The following EP400 variants were observed in gnomAD, a reference collection of about 807,000 sequenced individuals.
The protein encoded by EP400 is E1A binding protein p400, also known as E1A-binding protein p400.
In EP400, 105 loss-of-function variants were observed where a neutral mutation model predicts 354.1. The observed-to-expected ratio is 0.30, with a 90% confidence interval of 0.25 to 0.35. EP400 has a LOEUF of 0.35. Ranked by LOEUF, EP400 falls within the 10% of genes least tolerant of loss-of-function variation. The probability of loss-of-function intolerance (pLI) is 1.00; values close to 1 mark genes in which losing one functional copy is unlikely to be tolerated. For missense variants in EP400, 3,280 were observed against 4,121.0 expected (o/e 0.80, Z 5.59); for synonymous variants, 1,646 against 1,716.9 (o/e 0.96, Z 1.02).
Position 132,027,990 on chromosome 12 carries a change from A to G in EP400, c.5110-27A>G. 1 of 1,603,382 alleles carries G rather than the reference A, an allele frequency of 6.2e-7. No individual in the cohort carries two copies. Among genetic ancestry groups the G allele is most frequent in the East Asian group, 2.2e-5 (1 of 44,634 alleles). Reference sequence around the variant, plus strand: ...AACTTGTCATTCTGTTTCTCAAGTAACTGTTTTTCATCACTTTTTGATAAA... The same window carrying G: ...AACTTGTCATTCTGTTTCTCAAGTAGCTGTTTTTCATCACTTTTTGATAAA... On this transcript the variant is annotated intron_variant, in intron 26 of 52. Coordinates refer to ENST00000389561, the MANE Select transcript of EP400 (RefSeq NM_015409.5). This position sits in a 1 kb window ranked among gnomAD's most constrained non-coding sequence, Gnocchi z 4.9.
Position 132,038,357 on chromosome 12 carries a change from C to T in EP400, c.6207+261C>T, listed in dbSNP as rs1894784512. On this transcript the variant is annotated intron_variant, in intron 32 of 52. Coordinates refer to ENST00000389561, the MANE Select transcript of EP400 (RefSeq NM_015409.5). The surrounding 1 kb of genome is among the most constrained non-coding windows in gnomAD (Gnocchi z 4.2). ...GCAGTCGCTGCCGTCTTCATCTGCA[C>T]TTTGCCACAGTCTCAGCTCCTTCCC... Among the ~76,000 whole-genome samples the T allele has an allele frequency of 6.6e-6, 1 of 152,234 alleles. No homozygotes were observed. The highest frequency in any genetic ancestry group is 2.1e-4 in the South Asian group (1 of 4,832).
chr12:131,951,749 C>T (rs57466848), intron 1 of EP400, among the ~76,000 whole-genome samples: 19,041 of 151,638 alleles, frequency 0.13, 1,633 homozygotes, highest in African/African-American at 0.24. Context: ...TTACAGGTGC[C>T]TGCCATCATG....
chr12:132,045,857 G>A lies in EP400; in HGVS notation c.7157G>A (p.Arg2386Gln), dbSNP rs777080714. Reference protein sequence around the residue: ...SRIYRSSKQCRNRYENVIIPR... With the variant: ...SRIYRSSKQCQNRYENVIIPR... Reference sequence around the variant, plus strand: ...ATCTACCGCTCTTCCAAACAGTGCCGGAATCGCTACGAGAATGTCATCATT... The same window carrying A: ...ATCTACCGCTCTTCCAAACAGTGCCAGAATCGCTACGAGAATGTCATCATT... Residue 2386 changes from arginine to glutamine, a missense_variant, in exon 39 of 53, where the codon CGG becomes CAG. Coordinates refer to ENST00000389561, the MANE Select transcript of EP400 (RefSeq NM_015409.5). 3 of 1,614,166 alleles carry A rather than the reference G, an allele frequency of 1.9e-6. No homozygotes were observed. Among genetic ancestry groups the A allele is most frequent in the South Asian group, 2.2e-5 (2 of 91,068 alleles).
At chr12:131,998,223 C>G (rs545471521) in intron 12 of EP400, among the ~76,000 whole-genome samples, 50 of 152,298 alleles carry the variant, frequency 3.3e-4, no homozygotes, top group African/African-American at 1.2e-3. Context: ...TAGGTAAGTT[C>G]TTCTGCCTTG....
chr12:131,970,506 C>T (rs1050710202), intron 2 of EP400, among the ~76,000 whole-genome samples: 9 of 152,072 alleles, frequency 5.9e-5, no homozygotes, highest in Admixed American at 1.3e-4. Flanking sequence ...TAATGTTCCT[C>T]GCAGCATTGT....
intron 19 of EP400, among the ~76,000 whole-genome samples, chr12:132,015,179 G>GAGA (rs1893888486): frequency 6.6e-6 from 1 of 152,254 alleles, no homozygotes; most frequent in African/African-American, 2.4e-5. Context: ...TGTGCATGAT[G>GAGA]ACTGTGGAAT....
rs1440093717 is a variant in EP400 at position 132,052,419 on chromosome 12, C to G, written c.7395-727C>G. ...TGAGTCGCCTGGCCCTGGCTTTCAGCCCCTTGGTGCTCCCTGAGTGTGCTG... is the reference window on the plus strand; with the variant it reads ...TGAGTCGCCTGGCCCTGGCTTTCAGGCCCTTGGTGCTCCCTGAGTGTGCTG... On this transcript the variant is annotated intron_variant, in intron 41 of 52. Transcript: ENST00000389561. The surrounding 1 kb of genome is among the most constrained non-coding windows in gnomAD (Gnocchi z 4.4). Among the ~76,000 whole-genome samples, 3 of 152,228 alleles carry G rather than the reference C, an allele frequency of 2.0e-5. No homozygotes were observed. Among genetic ancestry groups the G allele is most frequent in the African/African-American group, 7.2e-5 (3 of 41,464 alleles).
intron 35 of EP400, 119 bp from the exon 36 acceptor site, chr12:132,044,552 A>T: frequency 6.9e-6 from 9 of 1,301,094 alleles, no homozygotes; most frequent in Non-Finnish European, 9.7e-6. Context: ...AGTCTTATAA[A>T]TAGTCATGTT....
At chr12:132,056,421 A>ACACG (rs962966993) in intron 45 of EP400, among the ~76,000 whole-genome samples, 2 of 144,702 alleles carry the variant, frequency 1.4e-5, no homozygotes, top group African/African-American at 5.7e-5. Context: ...CCAACACAAC[A>ACACG]CACGCACACA....
intron 32 of EP400, among the ~76,000 whole-genome samples, chr12:132,040,417 G>C (rs564182648): frequency 6.6e-6 from 1 of 152,230 alleles, no homozygotes; most frequent in East Asian, 1.9e-4. Flanking sequence ...CTGTACCCTC[G>C]TGTTCATCGC....
chr12:132,044,847 C>T lies in EP400; in HGVS notation c.6678C>T (p.Leu2226=), dbSNP rs748415028. ...CGCAGGACGACAGCGACATCTACCTCGACTCGGTCATGTGTCTCATGTATG... is the reference window on the plus strand; with the variant it reads ...CGCAGGACGACAGCGACATCTACCTTGACTCGGTCATGTGTCTCATGTATG... ...TPPQDDSDIY[L]DSVMCLMYEA... is the part of the protein sequence containing the mutation. Residue 2226 remains leucine (L), a synonymous_variant, in exon 37 of 53, where the codon CTC becomes CTT. Transcript: ENST00000389561. 2.5e-6 allele frequency: 4 copies of T among 1,614,178 alleles called. No individual in the cohort carries two copies. The highest frequency in any genetic ancestry group is 1.6e-4 in the Middle Eastern group (1 of 6,062).
At chr12:132,033,945 A>G (rs189957315) in intron 30 of EP400, among the ~76,000 whole-genome samples, 1 of 152,348 alleles carries the variant, frequency 6.6e-6, no homozygotes, top group African/African-American at 2.4e-5. Flanking sequence ...CTCGAGGGAA[A>G]AAAGGAGAGC....
chr12:131,954,475 A>G (rs189920202), intron 1 of EP400, among the ~76,000 whole-genome samples: 1 of 152,162 alleles, frequency 6.6e-6, no homozygotes. Flanking sequence ...CTGTAATCCC[A>G]GCACTTTGGG....
chr12:132,008,185 T>G (rs1270668849), intron 15 of EP400, among the ~76,000 whole-genome samples: 2 of 152,176 alleles, frequency 1.3e-5, no homozygotes, highest in Non-Finnish European at 2.9e-5. Context: ...CAACCTCAGG[T>G]GATCCGCCTG....
At position 132,044,363 on chromosome 12, in the gene EP400, T is replaced by A. The variant is rs573320187; in HGVS notation, c.6585+52T>A. 1.9e-6 allele frequency: 3 copies of A among 1,578,200 alleles called. No homozygotes were observed. The South Asian group carries it at 3.4e-5, about 18-fold the overall frequency. On this transcript the variant is annotated intron_variant, in intron 35 of 52. Transcript: ENST00000389561. ...TCTTGCCCCCCTGCTGAGGGGCACT[T>A]GTGCAGCCATGTTTGGCTTGTTCAA...
At position 132,053,327 on chromosome 12, in the gene EP400, C is replaced by A; in HGVS notation, c.7474-16C>A. The A allele has an allele frequency of 6.3e-7, 1 of 1,590,746 alleles. No homozygotes were observed. Among genetic ancestry groups the A allele is most frequent in the South Asian group, 1.1e-5 (1 of 89,326 alleles). ...TCTGCCCCTCCAGTGGCTCCTCTTC[C>A]TTCCTGGCCCCTCAGGCTCTGGCTG... On this transcript the variant is annotated splice_polypyrimidine_tract_variant and intron_variant, in intron 42 of 52. Transcript: ENST00000389561.
chr12:132,002,125 A>C (rs541121356), intron 12 of EP400, among the ~76,000 whole-genome samples: 13 of 152,308 alleles, frequency 8.5e-5, no homozygotes, highest in African/African-American at 3.1e-4. Flanking sequence ...TTTGTAAAGC[A>C]TGTCTCTTGT....
chr12:132,002,435 A>G (rs1893446280), intron 12 of EP400, among the ~76,000 whole-genome samples: 1 of 151,058 alleles, frequency 6.6e-6, no homozygotes, highest in Non-Finnish European at 1.5e-5. Context: ...GACTTACTAG[A>G]TATCCTATTA....
Position 132,043,442 on chromosome 12 carries a change from C to T in EP400, c.6346C>T (p.Leu2116=). 6.2e-7 allele frequency: 1 copy of T among 1,613,092 alleles called. No homozygotes were observed. The highest frequency in any genetic ancestry group is 1.1e-5 in the South Asian group (1 of 90,968). The change falls in exon 33 of 53, where the codon CTA becomes TTA. Residue 2116 remains leucine, a synonymous_variant. Coordinates refer to ENST00000389561, the MANE Select transcript of EP400 (RefSeq NM_015409.5). ...TGAAGAACCATCCCAATTAGAGGAGCTAGCTGACTTCATGGAGCAGGTTTG... is the reference window on the plus strand; with the variant it reads ...TGAAGAACCATCCCAATTAGAGGAGTTAGCTGACTTCATGGAGCAGGTTTG... ...CDEEPSQLEE[L]ADFMEQLTPI... is the part of the protein sequence containing the mutation.
Sources: gnomAD v4.1 joint callset for allele counts (sites outside exome capture counted in the v4.1 genomes callset) on GRCh38, gnomAD v4.1.1 for gene constraint, Gnocchi (gnomAD v3.1) non-coding constraint, MANE v1.5 for transcripts, NCBI Gene and HGNC (gene_info 2026-07-23, HGNC 2026-07-21) for gene names.